ASPH: variants seen among roughly 807,000 people sequenced by gnomAD.
ASPH encodes aspartyl/asparaginyl beta-hydroxylase.
ASPH carries 100 observed loss-of-function variants against 118.4 expected under a neutral mutation model. The observed-to-expected ratio is 0.84, with a 90% confidence interval of 0.72 to 1.00. ASPH has a LOEUF of 1.00. Among genes scored for constraint, ASPH ranks in the 50% least tolerant of loss-of-function variants. The probability of loss-of-function intolerance (pLI) is 0.00; values close to 1 mark genes in which losing one functional copy is unlikely to be tolerated. For missense variants in ASPH, 920 were observed against 919.5 expected (o/e 1.00, Z -0.01); for synonymous variants, 315 against 325.6 (o/e 0.97, Z 0.35).
rs893542620 is a variant in ASPH at position 61,588,071 on chromosome 8, G to A, written c.977-4042C>T. Among the ~76,000 whole-genome samples the A allele has an allele frequency of 6.6e-5, 10 of 152,276 alleles. 1 individual carries two copies. In the South Asian group the frequency reaches 2.1e-3, roughly 32 times the overall value. Reference sequence around the variant, plus strand: ...TAAATTATGTTCATAATCTTTTAAAGTACACCTATAAGGTACTAGAAAGAA... The same window carrying A: ...TAAATTATGTTCATAATCTTTTAAAATACACCTATAAGGTACTAGAAAGAA... On this transcript the variant is annotated intron_variant, in intron 14 of 24. Transcript: ENST00000379454.
intron 15 of ASPH, chr8:61,579,140 C>A: frequency 6.2e-7 from 1 of 1,611,676 alleles, no homozygotes; most frequent in Non-Finnish European, 8.5e-7. Flanking sequence ...AGACTGAGAT[C>A]TCTGAGATGA....
At chr8:61,599,084 C>T (rs924718867) in intron 14 of ASPH, among the ~76,000 whole-genome samples, 4 of 151,764 alleles carry the variant, frequency 2.6e-5, no homozygotes, top group Admixed American at 2.6e-4. Flanking sequence ...CCTCAAAGAA[C>T]TAGAAGATCA....
At chr8:61,590,328 T>C (rs1185605130) in intron 14 of ASPH, among the ~76,000 whole-genome samples, 1 of 152,038 alleles carries the variant, frequency 6.6e-6, no homozygotes, top group East Asian at 1.9e-4. Context: ...AGAGAGGGTA[T>C]ACACACTGAC....
At chr8:61,698,514 C>T (rs574324809) in intron 1 of ASPH, among the ~76,000 whole-genome samples, 10 of 152,350 alleles carry the variant, frequency 6.6e-5, no homozygotes, top group African/African-American at 2.2e-4. Flanking sequence ...GCTCCAGGAA[C>T]CATCTTTTTA....
chr8:61,528,429 T>C (rs1482285304), intron 21 of ASPH, among the ~76,000 whole-genome samples: 1 of 152,238 alleles, frequency 6.6e-6, no homozygotes, highest in East Asian at 1.9e-4. Context: ...TCTTGTTAAA[T>C]TGACACACAG....
At chr8:61,507,502 G>T (rs1464003156) in intron 24 of ASPH, among the ~76,000 whole-genome samples, 1 of 152,076 alleles carries the variant, frequency 6.6e-6, no homozygotes, top group East Asian at 1.9e-4. Flanking sequence ...TTAAAAAAAT[G>T]GTGTCTTTCA....
chr8:61,584,096 T>C, intron 14 of ASPH, 67 bp from the exon 15 acceptor site: 1 of 1,043,600 alleles, frequency 9.6e-7, no homozygotes, highest in Non-Finnish European at 1.4e-6. Flanking sequence ...AGCATAACAA[T>C]TTACAAGTAG....
At chr8:61,594,098 T>C (rs1051698174) in intron 14 of ASPH, among the ~76,000 whole-genome samples, 3 of 152,188 alleles carry the variant, frequency 2.0e-5, no homozygotes, top group Non-Finnish European at 4.4e-5. Context: ...GCAACATGGG[T>C]TAAACTGTGT....
rs192852706 is a variant in ASPH at position 61,597,297 on chromosome 8, G to A, written c.977-13268C>T. Among the ~76,000 whole-genome samples, 55 of 151,760 alleles carry A rather than the reference G, an allele frequency of 3.6e-4. 2 individuals carry two copies. The highest frequency in any genetic ancestry group is 1.3e-3 in the Admixed American group (20 of 15,260). ...TTTGGGAGGCTGAGGCATATGCATCGCTTGAGCTCAGGAGTTCAAGATCAG... is the reference window on the plus strand; with the variant it reads ...TTTGGGAGGCTGAGGCATATGCATCACTTGAGCTCAGGAGTTCAAGATCAG... On this transcript the variant is annotated intron_variant, in intron 14 of 24. Coordinates refer to ENST00000379454, the MANE Select transcript of ASPH (RefSeq NM_004318.4).
chr8:61,584,068 G>T (rs772207246), intron 14 of ASPH, 39 bp from the exon 15 acceptor site: 14 of 1,278,392 alleles, frequency 1.1e-5, no homozygotes, highest in Non-Finnish European at 1.4e-5. Flanking sequence ...AACGTTTTTT[G>T]ACTAGAAATA....
At chr8:61,629,480 T>A (rs749924406) in intron 13 of ASPH, among the ~76,000 whole-genome samples, 8 of 151,658 alleles carry the variant, frequency 5.3e-5, no homozygotes, top group Non-Finnish European at 1.0e-4. Flanking sequence ...TGCTAATGGA[T>A]GAGAAATTCC....
chr8:61,504,510 C>G (rs1016847109), intron 24 of ASPH, among the ~76,000 whole-genome samples: 1 of 152,046 alleles, frequency 6.6e-6, no homozygotes, highest in Non-Finnish European at 1.5e-5. Context: ...TTTTATGTTC[C>G]ATATCAGGTG....
intron 19 of ASPH, 141 bp from the exon 20 acceptor site, chr8:61,553,261 G>A (rs952560180): frequency 2.8e-5 from 17 of 600,552 alleles, no homozygotes; most frequent in Non-Finnish European, 3.7e-5. Flanking sequence ...CTTTGGGAAT[G>A]AGGTTACTGG....
intron 3 of ASPH, chr8:61,659,442 C>T (rs1815573106): frequency 6.6e-6 from 1 of 152,146 alleles, no homozygotes; most frequent in Admixed American, 6.5e-5. Flanking sequence ...AAATGAGAGG[C>T]AGACTTCTAT....
chr8:61,651,162 C>T (rs1810773916), intron 4 of ASPH, 38 bp from the exon 5 acceptor site: 2 of 1,524,418 alleles, frequency 1.3e-6, no homozygotes, highest in African/African-American at 2.7e-5. Context: ...TAGAAAAGCT[C>T]AAACATCAAC....
intron 3 of ASPH, among the ~76,000 whole-genome samples, chr8:61,667,997 G>A (rs975060589): frequency 8.6e-5 from 13 of 152,026 alleles, no homozygotes; most frequent in African/African-American, 2.9e-4. Context: ...TTAATTTAAA[G>A]ACTATTACAA....
intron 16 of ASPH, among the ~76,000 whole-genome samples, chr8:61,569,004 CAGA>C (rs1301643339): frequency 6.6e-6 from 1 of 152,034 alleles, no homozygotes; most frequent in Non-Finnish European, 1.5e-5. Context: ...TCTGATGATA[CAGA>C]AGGAGACACA....
intron 24 of ASPH, among the ~76,000 whole-genome samples, chr8:61,516,570 T>C (rs1017034945): frequency 1.3e-5 from 2 of 152,144 alleles, no homozygotes; most frequent in African/African-American, 2.4e-5. Context: ...TGCTTTCTGA[T>C]CTCCAGGAGC....
chr8:61,630,984 G>A (rs929233147), intron 13 of ASPH, among the ~76,000 whole-genome samples: 1 of 151,900 alleles, frequency 6.6e-6, no homozygotes, highest in Non-Finnish European at 1.5e-5. Context: ...GCAGGCCTAA[G>A]CTAATATGTC....
Sources: allele counts gnomAD v4.1 joint callset (sites outside exome capture counted in the v4.1 genomes callset), GRCh38; gene constraint gnomAD v4.1.1; transcripts MANE v1.5; gene names NCBI Gene and HGNC (gene_info 2026-07-23, HGNC 2026-07-21).